Variants in PLIN4 observed in about 807,000 individuals in gnomAD.
PLIN4 encodes perilipin-4.
Under a neutral mutation model 52.4 loss-of-function variants are expected in PLIN4, and 57 were observed. The ratio of observed to expected loss-of-function variants is 1.09; its 90% confidence interval spans 0.88 to 1.36. The LOEUF is 1.36. PLIN4 is among the 40% of genes most tolerant of loss of function. The pLI is 0.00. For missense variants in PLIN4, 1,757 were observed against 1,770.3 expected (o/e 0.99, Z 0.13); for synonymous variants, 826 against 785.4 (o/e 1.05, Z -0.86).
At chr19:4,516,441 G>A (rs1041141681) in intron 4 of PLIN4, among the ~76,000 whole-genome samples, 176 bp downstream of exon 4, 8 of 152,160 alleles carry the variant, frequency 5.3e-5, no homozygotes, top group Non-Finnish European at 1.5e-5. Context: ...GGGAAGCTCC[G>A]CCTGGGATCC....
At position 4,516,527 on chromosome 19, in the gene PLIN4, GC is replaced by G. The variant is rs1199243308; in HGVS notation, c.258+89del. 27 of 1,442,282 alleles carry G rather than the reference GC, an allele frequency of 1.9e-5. No homozygotes were observed. The East Asian group carries it at 5.8e-4, about 31-fold the overall frequency. The allele number at this position is 1,442,282 out of a possible 1,614,324, so 89.3% of individuals were successfully genotyped here. Reference sequence around the variant, plus strand: ...AACTGAAATGTCCCAGGAGGGAGCAGCCCCCCAGATAGCAGGAACTGAAATG... The same window carrying G: ...AACTGAAATGTCCCAGGAGGGAGCAGCCCCCAGATAGCAGGAACTGAAATG... On this transcript the variant is annotated intron_variant, in intron 4 of 7. Transcript: ENST00000301286.
chr19:4,509,852 T>C (rs983655143), intron 5 of PLIN4, among the ~76,000 whole-genome samples: 2 of 151,728 alleles, frequency 1.3e-5, no homozygotes, highest in Non-Finnish European at 2.9e-5. Flanking sequence ...GCCCGAGAGA[T>C]TGAGGCTGTA....
Position 4,518,267 on chromosome 19 carries a change from A to T in PLIN4, c.6T>A (p.Ser2=). 1 of 1,232,808 alleles carries T rather than the reference A, an allele frequency of 8.1e-7. No individual in the cohort carries two copies. Among genetic ancestry groups the T allele is most frequent in the Non-Finnish European group, 1.0e-6 (1 of 988,530 alleles). The allele number at this position is 1,232,808 out of a possible 1,614,324, so 76.4% of individuals were successfully genotyped here. The part of the protein sequence containing the change: M[S]APDEGRRDPP... ...GATCCCGTCTCCCTTCGTCTGGAGC[A>T]GACATAGTGAGAACGTGAGAAGCTG... The change falls in exon 2 of 8, where the codon TCT becomes TCA. Residue 2 remains serine (S), a synonymous_variant. Coordinates refer to ENST00000301286, the MANE Select transcript of PLIN4 (RefSeq NM_001367868.2).
intron 4 of PLIN4, among the ~76,000 whole-genome samples, 173 bp downstream of exon 4, chr19:4,516,444 T>G (rs932540937): frequency 2.0e-5 from 3 of 152,168 alleles, no homozygotes; most frequent in Non-Finnish European, 4.4e-5. Flanking sequence ...AAGCTCCGCC[T>G]GGGATCCCCA....
intron 6 of PLIN4, among the ~76,000 whole-genome samples, chr19:4,505,388 G>A (rs978055291): frequency 2.0e-5 from 3 of 152,120 alleles, no homozygotes; most frequent in African/African-American, 7.2e-5. Context: ...TGCACACACT[G>A]CCCACTCAGC....
At chr19:4,517,374 C>T (rs994247952) in intron 3 of PLIN4, among the ~76,000 whole-genome samples, 180 bp downstream of exon 3, 3 of 152,174 alleles carry the variant, frequency 2.0e-5, no homozygotes, top group African/African-American at 7.2e-5. Flanking sequence ...TTCGGCCACT[C>T]ACCCCCCATA....
chr19:4,510,504 C>T lies in PLIN4; in HGVS notation c.3456G>A (p.Leu1152=). Residue 1152 remains leucine, a synonymous_variant, in exon 5 of 8, where the codon CTG becomes CTA. Coordinates refer to ENST00000301286, the MANE Select transcript of PLIN4 (RefSeq NM_001367868.2). ...CCCCCAGCCCCTCCAACTCATTCTG[C>T]AGCATTGCCAAGCGTGGGGCTTCTT... The part of the protein sequence containing the change: ...GPEEAPRLAM[L]QNELEGLGDI... 1 of 1,471,618 alleles carries T rather than the reference C, an allele frequency of 6.8e-7. No homozygotes were observed. Among genetic ancestry groups the T allele is most frequent in the Non-Finnish European group, 9.0e-7 (1 of 1,110,800 alleles). 91.2% of individuals were successfully genotyped at this position (1,471,618 alleles called of 1,614,324 possible).
chr19:4,516,917 T>A (rs1331672166), intron 3 of PLIN4, among the ~76,000 whole-genome samples: 1 of 152,164 alleles, frequency 6.6e-6, no homozygotes, highest in Non-Finnish European at 1.5e-5. Flanking sequence ...TCTGTGGAAC[T>A]TCCTCTGCTG....
chr19:4,509,762 A>G (rs1344194027), intron 5 of PLIN4, among the ~76,000 whole-genome samples: 2 of 151,780 alleles, frequency 1.3e-5, no homozygotes, highest in East Asian at 1.9e-4. Flanking sequence ...CAACATAGAG[A>G]GACAAAAAAC....
At position 4,502,633 on chromosome 19, in the gene PLIN4, C is replaced by T. The variant is rs991617247; in HGVS notation, c.*1826G>A. 4 of 195,476 alleles carry T rather than the reference C, an allele frequency of 2.0e-5. No individual in the cohort carries two copies. The highest frequency in any genetic ancestry group is 4.1e-5 in the Non-Finnish European group (4 of 97,230). 12.1% of individuals were successfully genotyped at this position (195,476 alleles called of 1,614,324 possible). A position where few individuals can be genotyped will look rare whatever the true frequency, so the allele number is the denominator to read the frequency against. On this transcript the variant is annotated 3_prime_UTR_variant, in exon 8 of 8. Transcript: ENST00000301286. ...GCTGCTAGCCGACAGTGGTCTCCAG[C>T]GTTCAGGGAGCATGGGCCTCAGGGG...
At chr19:4,509,047 C>A in intron 5 of PLIN4, 92 bp from the exon 6 acceptor site, 1 of 1,269,456 alleles carries the variant, frequency 7.9e-7, no homozygotes, top group East Asian at 2.5e-5. Flanking sequence ...CGGCGGTTCC[C>A]GCCTGTGATC....
At position 4,518,192 on chromosome 19, in the gene PLIN4, G is replaced by A. The variant is rs935846664; in HGVS notation, c.51+30C>T. On this transcript the variant is annotated intron_variant, in intron 2 of 7. Transcript: ENST00000301286. ...GGCTCTGGGGCATCTCCAGGCCCCA[G>A]CAAGAATCTGCCCCATTTCCCCTCT... 11 of 1,232,206 alleles carry A rather than the reference G, an allele frequency of 8.9e-6. No homozygotes were observed. The African/African-American group carries it at 1.2e-4, about 14-fold the overall frequency. The allele number at this position is 1,232,206 out of a possible 1,614,324, so 76.3% of individuals were successfully genotyped here.
intron 7 of PLIN4, 22 bp from the exon 8 acceptor site, chr19:4,504,807 T>TGAGTGGAGACCCATGGGCG (rs1441989587): frequency 6.2e-7 from 1 of 1,603,748 alleles, no homozygotes; most frequent in Non-Finnish European, 8.5e-7. Context: ...AGGCGCAAGG[T>TGAGTGGAGACCCATGGGCG]GAGTGGAGAC....
chr19:4,507,915 G>C (rs145642231), intron 6 of PLIN4, among the ~76,000 whole-genome samples: 328 of 152,252 alleles, frequency 2.2e-3, no homozygotes, highest in African/African-American at 7.0e-3. Flanking sequence ...CAGAGGAAGA[G>C]AGCGGGGCCA....
Position 4,510,589 on chromosome 19 carries a change from G to T in PLIN4, c.3371C>A (p.Thr1124Asn). The change falls in exon 5 of 8, where the codon ACC becomes AAC. Residue 1124 changes from threonine to asparagine, a missense_variant. By Grantham distance (65) the Thr-to-Asn change is moderately conservative. Transcript: ENST00000301286. The stretch of plus-strand genomic sequence containing the variant: ...CTCCCTGCCTGGGGCGGCCCCTTGG[G>T]TGAACGTCGCCACGTCAGTCGCAAG... ...KGLATDVATF[T>N]QGAAPGREDT... is the part of the protein sequence containing the mutation. 6.7e-7 allele frequency: 1 copy of T among 1,503,426 alleles called. No homozygotes were observed. The highest frequency in any genetic ancestry group is 8.9e-7 in the Non-Finnish European group (1 of 1,126,438). 93.1% of individuals were successfully genotyped at this position (1,503,426 alleles called of 1,614,324 possible).
rs1025764992 is a variant in PLIN4, at chr19:4,505,025, G to A, written c.3703-78C>T. Reference sequence around the variant, plus strand: ...ACAACCCCCACCTCCCCCTCCCCCAGGGACCTGGGCACATTCACAGTCCTG... The same window carrying A: ...ACAACCCCCACCTCCCCCTCCCCCAAGGACCTGGGCACATTCACAGTCCTG... On this transcript the variant is annotated intron_variant, in intron 6 of 7. Coordinates refer to ENST00000301286, the MANE Select transcript of PLIN4 (RefSeq NM_001367868.2). The A allele has an allele frequency of 7.4e-6, 10 of 1,358,044 alleles. No individual in the cohort carries two copies. The African/African-American group carries it at 1.3e-4, about 18-fold the overall frequency. 84.1% of individuals were successfully genotyped at this position (1,358,044 alleles called of 1,614,324 possible). A position where few individuals can be genotyped will look rare whatever the true frequency, so the allele number is the denominator to read the frequency against.
chr19:4,517,688 C>T lies in PLIN4; in HGVS notation c.62G>A (p.Ser21Asn). The change falls in exon 3 of 8, where the codon AGC (serine) becomes AAC (asparagine). Residue 21 changes from serine to asparagine, a missense_variant. Physicochemically the swap from Ser to Asn is conservative, Grantham distance 46. Transcript: ENST00000301286. ...GAAGCCAGGCAGGGACCCAAAGAAG[C>T]TGCCCAGGGTCTGCATGGGGGCGGG... ...PPKPKGKTLG[S>N]FFGSLPGFSS... 6.3e-7 allele frequency: 1 copy of T among 1,593,454 alleles called. No individual in the cohort carries two copies. Among genetic ancestry groups the T allele is most frequent in the Non-Finnish European group, 8.5e-7 (1 of 1,170,582 alleles).
intron 3 of PLIN4, among the ~76,000 whole-genome samples, chr19:4,517,025 C>A (rs1470315481): frequency 1.3e-5 from 2 of 152,228 alleles, no homozygotes; most frequent in Non-Finnish European, 2.9e-5. Flanking sequence ...CTGCCTGCTG[C>A]CTATTGCCAG....
At chr19:4,518,165 C>A (rs1426787980) in intron 2 of PLIN4, 57 bp downstream of exon 2, 57 of 1,218,516 alleles carry the variant, frequency 4.7e-5, no homozygotes, top group Non-Finnish European at 5.5e-5. Flanking sequence ...GTCACCTTCC[C>A]CGGCTCTGGG....
Sources: allele counts gnomAD v4.1 joint callset (sites outside exome capture counted in the v4.1 genomes callset), GRCh38; gene constraint gnomAD v4.1.1; transcripts MANE v1.5; gene names NCBI Gene and HGNC (gene_info 2026-07-23, HGNC 2026-07-21).